Variants in FOXRED1 observed in about 807,000 individuals in gnomAD.
The protein encoded by FOXRED1 is FAD dependent oxidoreductase domain containing 1.
FOXRED1 carries 52 observed loss-of-function variants against 57.8 expected under a neutral mutation model. The observed-to-expected ratio is 0.90, with a 90% CI of 0.72 to 1.13. The LOEUF (loss-of-function observed/expected upper bound fraction) is 1.13, where lower values mean the gene tolerates loss of function less well. Ranked by LOEUF, FOXRED1 falls within the 50% of genes most tolerant of loss-of-function variation. The pLI is 0.00. For missense variants in FOXRED1, 589 were observed against 625.2 expected, an observed-to-expected ratio of 0.94 and a Z score of 0.62; for synonymous variants, 271 against 248.3, an observed-to-expected ratio of 1.09 and a Z score of -0.86.
chr11:126,271,456 TGA>T lies in FOXRED1; in HGVS notation c.108_109del (p.Glu36AspfsTer2), dbSNP rs1565351789. The T allele has an allele frequency of 1.9e-6, 3 of 1,611,560 alleles. No individual in the cohort carries two copies. Among genetic ancestry groups the T allele is most frequent in the Non-Finnish European group, 2.5e-6 (3 of 1,177,648 alleles). Reference protein sequence around the residue: ...FSLDWDGKVSEIKKKIKSILP... With the variant: ...FSLDWDGKVSXIKKKIKSILP... ...CCACAGACTGGGATGGAAAGGTGTCTGAGATTAAGAAGAAGATCAAGTCGATC... is the reference window on the plus strand; with the variant it reads ...CCACAGACTGGGATGGAAAGGTGTCTGATTAAGAAGAAGATCAAGTCGATC... On this transcript the variant is annotated frameshift_variant, in exon 2 of 11. Coordinates refer to ENST00000263578, the MANE Select transcript of FOXRED1 (RefSeq NM_017547.4). LOFTEE classifies it high-confidence loss of function. The surrounding 1 kb of genome is among the most constrained non-coding windows in gnomAD (Gnocchi z 5.3).
In FOXRED1 at chr11:126,272,131, T is replaced by G. The variant is rs757764137; in HGVS notation, c.306+474T>G. The stretch of plus-strand genomic sequence containing the variant: ...GACACACCCTGATGCCCAGCTATTT[T>G]TTGTATTTTTAGTAGAGATGAGGTT... On this transcript the variant is annotated intron_variant, in intron 2 of 10. Transcript: ENST00000263578. This position sits in a 1 kb window ranked among gnomAD's most constrained non-coding sequence, Gnocchi z 4.6. Among the ~76,000 whole-genome samples the G allele has an allele frequency of 6.6e-6, 1 of 151,850 alleles. No individual in the cohort carries two copies. Among genetic ancestry groups the G allele is most frequent in the Non-Finnish European group, 1.5e-5 (1 of 68,004 alleles).
rs753156614 is a variant in FOXRED1, at chr11:126,273,313, C to G, written c.418-23C>G. The G allele has an allele frequency of 1.3e-6, 2 of 1,546,080 alleles. No individual in the cohort carries two copies. The highest frequency in any genetic ancestry group is 1.8e-6 in the Non-Finnish European group (2 of 1,118,150). On this transcript the variant is annotated intron_variant, in intron 3 of 10. Coordinates refer to ENST00000263578, the MANE Select transcript of FOXRED1 (RefSeq NM_017547.4). The surrounding 1 kb of genome is among the most constrained non-coding windows in gnomAD (Gnocchi z 5.9). ...CTGGCATCCTTAAGTCAGTTTCTTT[C>G]AGGAGCTTCTGTCTGCACACAGGAG...
rs775430669 is a variant in FOXRED1, at chr11:126,271,511, C to CA, written c.162dup (p.Asp55ArgfsTer69). On this transcript the variant is annotated frameshift_variant, in exon 2 of 11. Coordinates refer to ENST00000263578, the MANE Select transcript of FOXRED1 (RefSeq NM_017547.4). LOFTEE classifies it high-confidence loss of function. The surrounding 1 kb of genome is among the most constrained non-coding windows in gnomAD (Gnocchi z 5.3). Reference sequence around the variant, plus strand: ...GCCTGGAAGGTCCTGTGATCTACTGCAAGACACCAGCCACCTGCCTCCCGA... The same window carrying CA: ...GCCTGGAAGGTCCTGTGATCTACTGCAAAGACACCAGCCACCTGCCTCCCGA... 6.8e-6 allele frequency: 11 copies of CA among 1,614,164 alleles called. No homozygotes were observed. The highest frequency in any genetic ancestry group is 9.3e-6 in the Non-Finnish European group (11 of 1,179,986).
At chr11:126,269,555 A>G (rs1035141232) in intron 1 of FOXRED1, 7 of 665,812 alleles carry the variant, frequency 1.1e-5, no homozygotes, top group Admixed American at 4.4e-5. Flanking sequence ...ACAGATGTGC[A>G]TTAAGTCCTG....
At chr11:126,276,792 C>T (rs1404084496) in intron 9 of FOXRED1, 5 of 487,120 alleles carry the variant, frequency 1.0e-5, no homozygotes, top group Non-Finnish European at 1.9e-5. Flanking sequence ...AGGAGAATCA[C>T]TGGAACCCGG....
chr11:126,273,001 T>A lies in FOXRED1; in HGVS notation c.339T>A (p.Gly113=). 1 of 1,605,796 alleles carries A rather than the reference T, an allele frequency of 6.2e-7. No homozygotes were observed. Among genetic ancestry groups the A allele is most frequent in the East Asian group, 2.2e-5 (1 of 44,856 alleles). Residue 113 remains glycine (G), a synonymous_variant, in exon 3 of 11, where the codon GGT becomes GGA. Coordinates refer to ENST00000263578, the MANE Select transcript of FOXRED1 (RefSeq NM_017547.4). The surrounding 1 kb of genome is among the most constrained non-coding windows in gnomAD (Gnocchi z 5.9). The stretch of plus-strand genomic sequence containing the variant: ...AGGCCTCCACTGGGCTCTCAGTAGG[T>A]GGGATTTGTCAGCAGTTCTCATTGC... The part of the protein sequence containing the change: ...YSQASTGLSV[G]GICQQFSLPE...
At position 126,273,658 on chromosome 11, in the gene FOXRED1, T is replaced by C. The variant is rs1010900161; in HGVS notation, c.536+204T>C. On this transcript the variant is annotated intron_variant, in intron 4 of 10. Coordinates refer to ENST00000263578, the MANE Select transcript of FOXRED1 (RefSeq NM_017547.4). This position sits in a 1 kb window ranked among gnomAD's most constrained non-coding sequence, Gnocchi z 5.9. ...TATGGACAAAACACTGCGAGGTGCTTCCTAATTTGTCAGATCATGAAAACC... is the reference window on the plus strand; with the variant it reads ...TATGGACAAAACACTGCGAGGTGCTCCCTAATTTGTCAGATCATGAAAACC... The C allele has an allele frequency of 3.3e-6, 2 of 600,610 alleles. No homozygotes were observed. Among genetic ancestry groups the C allele is most frequent in the Non-Finnish European group, 6.1e-6 (2 of 329,304 alleles). 37.2% of individuals were successfully genotyped at this position (600,610 alleles called of 1,614,324 possible).
chr11:126,274,521 G>T lies in FOXRED1; in HGVS notation c.537-406G>T. ...AAATTAGCTGGGTGTGGTGGCGTGT[G>T]CCTGTAGTCCCAGCTACTCCAGAGG... is the stretch of plus-strand genomic sequence containing the variant. On this transcript the variant is annotated intron_variant, in intron 4 of 10. Transcript: ENST00000263578. This position sits in a 1 kb window ranked among gnomAD's most constrained non-coding sequence, Gnocchi z 4.8. 1 of 268,174 alleles carries T rather than the reference G, an allele frequency of 3.7e-6. No homozygotes were observed. The allele number at this position is 268,174 out of a possible 1,614,324, so 16.6% of individuals were successfully genotyped here.
rs1950994889 is a variant in FOXRED1 at position 126,271,847 on chromosome 11, G to A, written c.306+190G>A. On this transcript the variant is annotated intron_variant, in intron 2 of 10. Coordinates refer to ENST00000263578, the MANE Select transcript of FOXRED1 (RefSeq NM_017547.4). This position sits in a 1 kb window ranked among gnomAD's most constrained non-coding sequence, Gnocchi z 5.3. ...CTTCCTCAGTCGAACCAGGAAGCTT[G>A]GCAATAAGGTTTGTTCTTTTGAAAG... The A allele has an allele frequency of 3.2e-6, 2 of 622,532 alleles. No homozygotes were observed. The highest frequency in any genetic ancestry group is 5.8e-6 in the Non-Finnish European group (2 of 344,000). 38.6% of individuals were successfully genotyped at this position (622,532 alleles called of 1,614,324 possible). A position where few individuals can be genotyped will look rare whatever the true frequency, so the allele number is the denominator to read the frequency against.
rs1319262828 is a variant in FOXRED1, at chr11:126,274,690, G to C, written c.537-237G>C. On this transcript the variant is annotated intron_variant, in intron 4 of 10. Transcript: ENST00000263578. This position sits in a 1 kb window ranked among gnomAD's most constrained non-coding sequence, Gnocchi z 4.8. ...ATGGAATAGACTGGGATAGCAGGGA[G>C]CTCTGTGTGCTGAAGGGAGACAAGG... 1.8e-6 allele frequency: 1 copy of C among 555,628 alleles called. No homozygotes were observed. The highest frequency in any genetic ancestry group is 3.2e-6 in the Non-Finnish European group (1 of 308,298). 34.4% of individuals were successfully genotyped at this position (555,628 alleles called of 1,614,324 possible).
Position 126,273,223 on chromosome 11 carries a change from T to A in FOXRED1, c.418-113T>A. The A allele has an allele frequency of 1.0e-6, 1 of 971,760 alleles. No homozygotes were observed. The highest frequency in any genetic ancestry group is 1.7e-6 in the Non-Finnish European group (1 of 594,530). 60.2% of individuals were successfully genotyped at this position (971,760 alleles called of 1,614,324 possible). On this transcript the variant is annotated intron_variant, in intron 3 of 10. Transcript: ENST00000263578. The surrounding 1 kb of genome is among the most constrained non-coding windows in gnomAD (Gnocchi z 5.9). ...GGGGCCCTGGCCTTCTTCCTAGTGGTGGTGCCGCAGGTCTGGGGCACTGAG... is the reference window on the plus strand; with the variant it reads ...GGGGCCCTGGCCTTCTTCCTAGTGGAGGTGCCGCAGGTCTGGGGCACTGAG...
rs1445070936 is a variant in FOXRED1 at position 126,277,851 on chromosome 11, A to G, written c.*162A>G. 2.6e-6 allele frequency: 2 copies of G among 775,036 alleles called. No individual in the cohort carries two copies. Among genetic ancestry groups the G allele is most frequent in the South Asian group, 2.8e-5 (2 of 70,484 alleles). The allele number at this position is 775,036 out of a possible 1,614,324, so 48.0% of individuals were successfully genotyped here. On this transcript the variant is annotated 3_prime_UTR_variant, in exon 11 of 11. Transcript: ENST00000263578. The surrounding 1 kb of genome is among the most constrained non-coding windows in gnomAD (Gnocchi z 6.8). ...TGCACCCATATGGCTGGGCAGGCAC[A>G]GGCAGTGAGGCCGAGGCCAATAGCG...
rs201879135 is a variant in FOXRED1 at position 126,277,048 on chromosome 11, G to A, written c.1102-23G>A. ...TCCTTGTGTCCCAGGCAATGTAAGC[G>A]TTGTCCCCACCTCTCACTCCAGCAG... is the stretch of plus-strand genomic sequence containing the variant. On this transcript the variant is annotated intron_variant, in intron 9 of 10. Coordinates refer to ENST00000263578, the MANE Select transcript of FOXRED1 (RefSeq NM_017547.4). This position sits in a 1 kb window ranked among gnomAD's most constrained non-coding sequence, Gnocchi z 6.8. The A allele has an allele frequency of 3.2e-4, 468 of 1,451,474 alleles. No homozygotes were observed. The highest frequency in any genetic ancestry group is 1.4e-3 in the Middle Eastern group (8 of 5,788). 89.9% of individuals were successfully genotyped at this position (1,451,474 alleles called of 1,614,324 possible).
At position 126,277,329 on chromosome 11, in the gene FOXRED1, C is replaced by T; in HGVS notation, c.1207-106C>T. On this transcript the variant is annotated intron_variant, in intron 10 of 10. Coordinates refer to ENST00000263578, the MANE Select transcript of FOXRED1 (RefSeq NM_017547.4). The surrounding 1 kb of genome is among the most constrained non-coding windows in gnomAD (Gnocchi z 6.8). Reference sequence around the variant, plus strand: ...TCTTGGACACATCCCATCCCATAGACCCCTCAGCAGCAGGTAGAGGGTACT... The same window carrying T: ...TCTTGGACACATCCCATCCCATAGATCCCTCAGCAGCAGGTAGAGGGTACT... The T allele has an allele frequency of 7.2e-7, 1 of 1,388,110 alleles. No homozygotes were observed. Among genetic ancestry groups the T allele is most frequent in the African/African-American group, 1.4e-5 (1 of 70,766 alleles). The allele number at this position is 1,388,110 out of a possible 1,614,324, so 86.0% of individuals were successfully genotyped here.
At position 126,274,753 on chromosome 11, in the gene FOXRED1, G is replaced by A. The variant is rs982516666; in HGVS notation, c.537-174G>A. The A allele has an allele frequency of 2.5e-5, 17 of 670,308 alleles. No homozygotes were observed. The highest frequency in any genetic ancestry group is 2.5e-4 in the East Asian group (9 of 35,878). The allele number at this position is 670,308 out of a possible 1,614,324, so 41.5% of individuals were successfully genotyped here. ...AAAGGCAGTCAAGGCTGAAGAGCCT[G>A]ACTAGGAGGCTTGGTCTTCAGCCGC... On this transcript the variant is annotated intron_variant, in intron 4 of 10. Coordinates refer to ENST00000263578, the MANE Select transcript of FOXRED1 (RefSeq NM_017547.4). The surrounding 1 kb of genome is among the most constrained non-coding windows in gnomAD (Gnocchi z 4.8).
rs149851763 is a variant in FOXRED1, at chr11:126,276,147, C to T, written c.899C>T (p.Ala300Val). 1.2e-5 allele frequency: 20 copies of T among 1,611,856 alleles called. No homozygotes were observed. The highest frequency in any genetic ancestry group is 8.5e-7 in the Non-Finnish European group (1 of 1,179,688). The change falls in exon 8 of 11, where the codon GCA becomes GTA. Residue 300 changes from alanine (A) to valine (V), a missense_variant. Coordinates refer to ENST00000263578, the MANE Select transcript of FOXRED1 (RefSeq NM_017547.4). ...AAGAWSAQIA[A>V]LAGVGEGPPG... ...GGAGCCTGGTCTGCGCAAATCGCAG[C>T]ACTGGCTGGTGTTGGAGAGGGGCCG... is the stretch of plus-strand genomic sequence containing the variant.
In FOXRED1 at chr11:126,271,236, T is replaced by TG; in HGVS notation, c.86-200dup. On this transcript the variant is annotated intron_variant, in intron 1 of 10. Transcript: ENST00000263578. The surrounding 1 kb of genome is among the most constrained non-coding windows in gnomAD (Gnocchi z 5.3). Reference sequence around the variant, plus strand: ...ATCTTGCAGTGCTTGGCACAATGCATGAAGAGACTGATGGCATGTGGACTA... The same window carrying TG: ...ATCTTGCAGTGCTTGGCACAATGCATGGAAGAGACTGATGGCATGTGGACTA... 2 of 376,046 alleles carry TG rather than the reference T, an allele frequency of 5.3e-6. No homozygotes were observed. The highest frequency in any genetic ancestry group is 8.9e-6 in the Non-Finnish European group (2 of 225,110). 23.3% of individuals were successfully genotyped at this position (376,046 alleles called of 1,614,324 possible). A position where few individuals can be genotyped will look rare whatever the true frequency, so the allele number is the denominator to read the frequency against.
At position 126,271,301 on chromosome 11, in the gene FOXRED1, C is replaced by T. The variant is rs1227096929; in HGVS notation, c.86-136C>T. 2 of 721,966 alleles carry T rather than the reference C, an allele frequency of 2.8e-6. No homozygotes were observed. The highest frequency in any genetic ancestry group is 5.0e-6 in the Non-Finnish European group (2 of 397,478). The allele number at this position is 721,966 out of a possible 1,614,324, so 44.7% of individuals were successfully genotyped here. ...GCAACACTGTTGGGTGCAAGGTGAC[C>T]TTATGAGATGGGCTGACAGTGGGGA... On this transcript the variant is annotated intron_variant, in intron 1 of 10. Transcript: ENST00000263578. The surrounding 1 kb of genome is among the most constrained non-coding windows in gnomAD (Gnocchi z 5.3).
In FOXRED1 at chr11:126,276,948, C is replaced by T. The variant is rs1951169313; in HGVS notation, c.1102-123C>T. ...TGCTGTGTTAATTGATATTAGAGCCCCCTCCAGATTTGAACTGGGACCATT... is the reference window on the plus strand; with the variant it reads ...TGCTGTGTTAATTGATATTAGAGCCTCCTCCAGATTTGAACTGGGACCATT... On this transcript the variant is annotated intron_variant, in intron 9 of 10. Coordinates refer to ENST00000263578, the MANE Select transcript of FOXRED1 (RefSeq NM_017547.4). 5 of 747,208 alleles carry T rather than the reference C, an allele frequency of 6.7e-6. No individual in the cohort carries two copies. In the South Asian group the frequency reaches 7.1e-5, roughly 11 times the overall value. The allele number at this position is 747,208 out of a possible 1,614,324, so 46.3% of individuals were successfully genotyped here.
Sources: allele counts gnomAD v4.1 joint callset (sites outside exome capture counted in the v4.1 genomes callset), GRCh38; gene constraint gnomAD v4.1.1; non-coding constraint Gnocchi (gnomAD v3.1); transcripts MANE v1.5; gene names NCBI Gene and HGNC (gene_info 2026-07-23, HGNC 2026-07-21).